SCD5: variants seen among roughly 807,000 people sequenced by gnomAD.
The protein encoded by SCD5 is acyl-CoA-desaturase 4.
SCD5 carries 20 observed loss-of-function variants against 30.4 expected under a neutral mutation model. The ratio of observed to expected loss-of-function variants is 0.66; its 90% CI spans 0.46 to 0.96. The LOEUF (loss-of-function observed/expected upper bound fraction) is 0.96, where lower values mean the gene tolerates loss of function less well. SCD5 is among the 40% of genes least tolerant of loss of function. The pLI is 0.00. For synonymous variants in SCD5, 173 were observed against 176.4 expected, an observed-to-expected ratio of 0.98 and a Z score of 0.16; for missense variants, 381 against 443.3, an observed-to-expected ratio of 0.86 and a Z score of 1.26.
At position 82,629,735 on chromosome 4, in the gene SCD5, AT is replaced by A. The variant is rs1310496433; in HGVS notation, c.*1591del. The A allele has an allele frequency of 6.6e-6, 1 of 152,206 alleles. No individual in the cohort carries two copies. The highest frequency in any genetic ancestry group is 1.5e-5 in the Non-Finnish European group (1 of 68,032). 9.4% of individuals were successfully genotyped at this position (152,206 alleles called of 1,614,324 possible). A position where few individuals can be genotyped will look rare whatever the true frequency, so the allele number is the denominator to read the frequency against. ...AAATATCTATCTTCAAAGTGCTCCA[AT>A]ACTAACACTATAAGCCCTTTCTTTT... On this transcript the variant is annotated 3_prime_UTR_variant, in exon 5 of 5. Transcript: ENST00000319540.
intron 3 of SCD5, among the ~76,000 whole-genome samples, chr4:82,678,681 G>A (rs1728487429): frequency 6.6e-6 from 1 of 152,130 alleles, no homozygotes; most frequent in African/African-American, 2.4e-5. Context: ...ACAATCTGAG[G>A]TAAAGGGTGA....
chr4:82,739,794 T>C (rs1289418953), intron 1 of SCD5, among the ~76,000 whole-genome samples: 1 of 152,240 alleles, frequency 6.6e-6, no homozygotes. Flanking sequence ...ACTTGATAAT[T>C]TTTTTAGCAC....
At chr4:82,693,265 T>G (rs1719605967) in intron 2 of SCD5, among the ~76,000 whole-genome samples, 1 of 152,196 alleles carries the variant, frequency 6.6e-6, no homozygotes, top group South Asian at 2.1e-4. Flanking sequence ...GGGGTCTGGA[T>G]GCCTAGCTTC....
intron 1 of SCD5, 23 bp downstream of exon 1, chr4:82,798,283 C>G (rs367878722): frequency 2.8e-5 from 44 of 1,547,084 alleles, no homozygotes; most frequent in Non-Finnish European, 3.7e-5. Context: ...GGCCGGGGCG[C>G]AGGGGGCGCC....
intron 1 of SCD5, among the ~76,000 whole-genome samples, chr4:82,740,154 T>C (rs371662392): frequency 4.6e-5 from 7 of 152,346 alleles, no homozygotes; most frequent in Admixed American, 2.6e-4. Context: ...TTAGCAATTA[T>C]TTTTAAAATG....
At chr4:82,648,889 A>G (rs1204828835) in intron 3 of SCD5, among the ~76,000 whole-genome samples, 1 of 152,168 alleles carries the variant, frequency 6.6e-6, no homozygotes, top group Non-Finnish European at 1.5e-5. Flanking sequence ...GGATCATGAC[A>G]TTGATTCGAA....
At chr4:82,716,204 A>G (rs1322644726) in intron 1 of SCD5, among the ~76,000 whole-genome samples, 1 of 151,588 alleles carries the variant, frequency 6.6e-6, no homozygotes, top group Non-Finnish European at 1.5e-5. Flanking sequence ...CGGGGAGATC[A>G]TTTACTAGGC....
chr4:82,665,570 C>G (rs187005774), intron 3 of SCD5, among the ~76,000 whole-genome samples: 7 of 152,040 alleles, frequency 4.6e-5, no homozygotes, highest in Admixed American at 2.6e-4. Context: ...GAGAAAAAAC[C>G]TGACAACTCA....
chr4:82,644,217 G>A (rs964036141), intron 3 of SCD5, among the ~76,000 whole-genome samples: 2 of 152,192 alleles, frequency 1.3e-5, no homozygotes, highest in African/African-American at 2.4e-5. Context: ...ACTGACCAGA[G>A]AAGCCCGTTG....
At chr4:82,763,430 G>A (rs188828698) in intron 1 of SCD5, among the ~76,000 whole-genome samples, 1 of 152,330 alleles carries the variant, frequency 6.6e-6, no homozygotes, top group East Asian at 1.9e-4. Context: ...AGAATCACTT[G>A]AATCCGGGAG....
intron 2 of SCD5, among the ~76,000 whole-genome samples, chr4:82,697,748 C>T (rs1392483045): frequency 1.3e-5 from 2 of 152,182 alleles, no homozygotes; most frequent in African/African-American, 4.8e-5. Flanking sequence ...TCCTGGTTTC[C>T]TTTCTCTCTC....
At chr4:82,741,016 C>T (rs1720861212) in intron 1 of SCD5, among the ~76,000 whole-genome samples, 1 of 151,918 alleles carries the variant, frequency 6.6e-6, no homozygotes, top group Non-Finnish European at 1.5e-5. Flanking sequence ...CTCACTGCAG[C>T]CTCTGCCTTC....
At chr4:82,764,758 T>C (rs1344456730) in intron 1 of SCD5, among the ~76,000 whole-genome samples, 4 of 150,624 alleles carry the variant, frequency 2.7e-5, no homozygotes, top group Non-Finnish European at 4.4e-5. Flanking sequence ...TGGAGTTTCA[T>C]TCTTGTTGCC....
At chr4:82,736,438 T>A (rs1398711737) in intron 1 of SCD5, among the ~76,000 whole-genome samples, 1 of 151,534 alleles carries the variant, frequency 6.6e-6, no homozygotes, top group African/African-American at 2.4e-5. Context: ...GTGAAACCTG[T>A]CTCTACTAAA....
intron 1 of SCD5, among the ~76,000 whole-genome samples, chr4:82,769,074 C>T (rs1721557021): frequency 6.6e-6 from 1 of 151,988 alleles, no homozygotes; most frequent in Admixed American, 6.6e-5. Context: ...TTCTCCTCAA[C>T]TCACCATCTC....
intron 1 of SCD5, among the ~76,000 whole-genome samples, chr4:82,768,449 G>T (rs184213998): frequency 6.6e-6 from 1 of 152,144 alleles, no homozygotes; most frequent in Non-Finnish European, 1.5e-5. Flanking sequence ...CAAAAATTAG[G>T]AAGAATAAGG....
intron 1 of SCD5, among the ~76,000 whole-genome samples, chr4:82,759,075 C>T (rs979024719): frequency 3.9e-5 from 6 of 152,264 alleles, no homozygotes; most frequent in African/African-American, 1.2e-4. Context: ...GAACGCATCA[C>T]GGTTCCTTTC....
At position 82,783,602 on chromosome 4, in the gene SCD5, G is replaced by A. The variant is rs577384760; in HGVS notation, c.232+14704C>T. On this transcript the variant is annotated intron_variant, in intron 1 of 4. Transcript: ENST00000319540. Reference sequence around the variant, plus strand: ...GGCGGATCACCTGAGGTCGGAGGTCGAGACCAGCCTGACCAACATGGAGAA... The same window carrying A: ...GGCGGATCACCTGAGGTCGGAGGTCAAGACCAGCCTGACCAACATGGAGAA... Among the ~76,000 whole-genome samples the A allele has an allele frequency of 7.9e-5, 12 of 152,152 alleles. No individual in the cohort carries two copies. The South Asian group carries it at 1.7e-3, about 21-fold the overall frequency.
At chr4:82,713,328 T>C (rs898823841) in intron 1 of SCD5, among the ~76,000 whole-genome samples, 2 of 152,154 alleles carry the variant, frequency 1.3e-5, no homozygotes, top group Non-Finnish European at 2.9e-5. Flanking sequence ...TTACAGCTTA[T>C]ATAGCAATAA....
Sources: allele counts gnomAD v4.1 joint callset (sites outside exome capture counted in the v4.1 genomes callset), GRCh38; gene constraint gnomAD v4.1.1; transcripts MANE v1.5; gene names NCBI Gene and HGNC (gene_info 2026-07-23, HGNC 2026-07-21).